The following TP53BP2 variants were observed in gnomAD, a reference collection of about 807,000 sequenced individuals.
TP53BP2 encodes tumor protein p53 binding protein 2.
A neutral mutation model predicts 126.2 loss-of-function variants in TP53BP2; 62 were observed. That is an observed-to-expected ratio of 0.49 (90% CI 0.40 to 0.61). TP53BP2 has a LOEUF of 0.61. Ranked by LOEUF, TP53BP2 falls within the 20% of genes least tolerant of loss-of-function variation. The pLI is 0.00. For synonymous variants in TP53BP2, 485 were observed against 502.9 expected (o/e 0.96, Z 0.48); for missense variants, 1,215 against 1,402.8 (o/e 0.87, Z 2.14).
chr1:223,845,798 G>GCA lies in TP53BP2; in HGVS notation c.-119_-118insTG. 9.9e-7 allele frequency: 1 copy of GCA among 1,007,364 alleles called. No homozygotes were observed. The highest frequency in any genetic ancestry group is 1.3e-6 in the Non-Finnish European group (1 of 789,044). 62.4% of individuals were successfully genotyped at this position (1,007,364 alleles called of 1,614,324 possible). ...GGACCTGTTGCGAGGCGGCGGCGGC[G>GCA]GCAGCGGCGGCGCGCGGGTCCGAAG... On this transcript the variant is annotated 5_prime_UTR_variant, in exon 1 of 18. Transcript: ENST00000343537.
At chr1:223,798,160 C>A in intron 12 of TP53BP2, 55 bp downstream of exon 12, 1 of 1,525,752 alleles carries the variant, frequency 6.6e-7, no homozygotes, top group South Asian at 1.2e-5. Context: ...TGAGGGATGG[C>A]TTAAGTTCTG....
At position 223,808,414 on chromosome 1, in the gene TP53BP2, G is replaced by A. The variant is rs1436581405; in HGVS notation, c.373-1467C>T. On this transcript the variant is annotated intron_variant, in intron 4 of 17. Coordinates refer to ENST00000343537, the MANE Select transcript of TP53BP2 (RefSeq NM_001031685.3). The stretch of plus-strand genomic sequence containing the variant: ...AAACTAGCTGGGCATGGTGGCAGGT[G>A]CCTATAATCCCAGCTACTCGGGAAG... Among the ~76,000 whole-genome samples the A allele has an allele frequency of 8.6e-5, 13 of 151,938 alleles. No individual in the cohort carries two copies. In the East Asian group the frequency reaches 1.2e-3, roughly 14 times the overall value.
At position 223,793,259 on chromosome 1, in the gene TP53BP2, G is replaced by A. The variant is rs1448200536; in HGVS notation, c.2862+44C>T. The A allele has an allele frequency of 5.7e-6, 8 of 1,412,742 alleles. 1 individual carries two copies. The highest frequency in any genetic ancestry group is 4.8e-5 in the South Asian group (3 of 62,666). The allele number at this position is 1,412,742 out of a possible 1,614,324, so 87.5% of individuals were successfully genotyped here. On this transcript the variant is annotated intron_variant, in intron 14 of 17. Coordinates refer to ENST00000343537, the MANE Select transcript of TP53BP2 (RefSeq NM_001031685.3). ...TATACTCTAGCCTGGATGACAGAGC[G>A]AGACTCTGACTCAAAAAAAAAAATT...
rs1161227177 is a variant in TP53BP2 at position 223,811,589 on chromosome 1, G to A, written c.290-1076C>T. Among the ~76,000 whole-genome samples, 4 of 152,120 alleles carry A rather than the reference G, an allele frequency of 2.6e-5. No individual in the cohort carries two copies. In the South Asian group the frequency reaches 8.3e-4, roughly 32 times the overall value. On this transcript the variant is annotated intron_variant, in intron 3 of 17. Coordinates refer to ENST00000343537, the MANE Select transcript of TP53BP2 (RefSeq NM_001031685.3). ...CTTTCTTTGCTGTCTTAAAGAGAGA[G>A]CACTTAACTAGTTTCTCCTTTGTAT...
chr1:223,803,930 C>A (rs1423221141), intron 6 of TP53BP2, among the ~76,000 whole-genome samples: 1 of 152,156 alleles, frequency 6.6e-6, no homozygotes, highest in East Asian at 1.9e-4. Context: ...GAATTCAATT[C>A]AGAGGAACCT....
chr1:223,782,196 C>T (rs1661798902), intron 17 of TP53BP2, among the ~76,000 whole-genome samples: 1 of 151,992 alleles, frequency 6.6e-6, no homozygotes. Context: ...CTCAATTTAG[C>T]CATTTTACAA....
chr1:223,832,633 T>C (rs1457064398), intron 1 of TP53BP2, among the ~76,000 whole-genome samples: 1 of 152,188 alleles, frequency 6.6e-6, no homozygotes, highest in Non-Finnish European at 1.5e-5. Flanking sequence ...TACACAGCCA[T>C]TTAGCCCAAC....
At chr1:223,811,422 C>T (rs1662903779) in intron 3 of TP53BP2, among the ~76,000 whole-genome samples, 1 of 152,134 alleles carries the variant, frequency 6.6e-6, no homozygotes, top group Non-Finnish European at 1.5e-5. Flanking sequence ...CTACTCAGAG[C>T]CAAGTATCAC....
chr1:223,839,333 A>C (rs1257246825), intron 1 of TP53BP2, among the ~76,000 whole-genome samples: 1 of 152,206 alleles, frequency 6.6e-6, no homozygotes, highest in Non-Finnish European at 1.5e-5. Context: ...CGGGATGACC[A>C]ACCTAAATCA....
chr1:223,792,343 G>A lies in TP53BP2; in HGVS notation c.2996+46C>T, dbSNP rs16842251. 1,807 of 1,560,984 alleles carry A rather than the reference G, an allele frequency of 1.2e-3. 14 individuals are homozygous for A. The African/African-American group carries it at 0.021, about 18-fold the overall frequency. ...GCACTATGACAACTGCTTATAAACCGATTCCCACAACTGAAGTTTGACTGG... is the reference window on the plus strand; with the variant it reads ...GCACTATGACAACTGCTTATAAACCAATTCCCACAACTGAAGTTTGACTGG... On this transcript the variant is annotated intron_variant, in intron 15 of 17. Transcript: ENST00000343537.
chr1:223,804,327 T>G lies in TP53BP2; in HGVS notation c.496A>C (p.Lys166Gln). 6.2e-7 allele frequency: 1 copy of G among 1,613,620 alleles called. No homozygotes were observed. The highest frequency in any genetic ancestry group is 8.5e-7 in the Non-Finnish European group (1 of 1,179,922). Residue 166 changes from lysine to glutamine, a missense_variant, in exon 6 of 18, where the codon AAA (lysine) becomes CAA (glutamine). Around this residue, in one of 4 missense-constraint regions of TP53BP2, gnomAD observed 814 missense variants for 853.0 expected, o/e 0.95. Coordinates refer to ENST00000343537, the MANE Select transcript of TP53BP2 (RefSeq NM_001031685.3). ...ATKEQRLKFL[K>Q]QQDQRQQQQV... ...TGCTGTTGTCGCTGATCTTGTTGTTTCAAAAACTTTAAGCGCTGTTCCTAA... is the reference window on the plus strand; with the variant it reads ...TGCTGTTGTCGCTGATCTTGTTGTTGCAAAAACTTTAAGCGCTGTTCCTAA...
rs1662551088 is a variant in TP53BP2 at position 223,802,254 on chromosome 1, G to A, written c.1087C>T (p.Pro363Ser). 1 of 1,614,202 alleles carries A rather than the reference G, an allele frequency of 6.2e-7. No individual in the cohort carries two copies. Among genetic ancestry groups the A allele is most frequent in the Non-Finnish European group, 8.5e-7 (1 of 1,180,030 alleles). ...VGPYIQSSTM[P>S]RMPSRPELLV... ...AATTCAGGCCTTGAGGGCATCCGAGGCATAGTAGACGACTGGATATAGGGA... is the reference window on the plus strand; with the variant it reads ...AATTCAGGCCTTGAGGGCATCCGAGACATAGTAGACGACTGGATATAGGGA... The change falls in exon 9 of 18, where the codon CCT becomes TCT. Residue 363 changes from proline to serine, a missense_variant. Physicochemically the swap from Pro to Ser is moderately conservative, Grantham distance 74 (BLOSUM62 -1). This residue lies in a region of TP53BP2 where 814 missense variants were observed against 853.0 expected (regional missense o/e 0.95). Coordinates refer to ENST00000343537, the MANE Select transcript of TP53BP2 (RefSeq NM_001031685.3).
chr1:223,783,985 T>C, intron 17 of TP53BP2, 130 bp downstream of exon 17: 1 of 807,158 alleles, frequency 1.2e-6, no homozygotes, highest in Non-Finnish European at 2.1e-6. Flanking sequence ...TCTAAGACTA[T>C]CAAAATGTTT....
At chr1:223,831,498 T>A (rs1339318936) in intron 1 of TP53BP2, among the ~76,000 whole-genome samples, 1,287 of 128,000 alleles carry the variant, frequency 0.01, 80 homozygotes, top group African/African-American at 0.039. Context: ...TATATATATA[T>A]ATATATATAT....
intron 1 of TP53BP2, among the ~76,000 whole-genome samples, chr1:223,826,712 T>A (rs1663508451): frequency 6.6e-6 from 1 of 152,042 alleles, no homozygotes; most frequent in Non-Finnish European, 1.5e-5. Flanking sequence ...TTTTCAAAAG[T>A]AAGAGGTTAC....
chr1:223,785,944 C>G (rs1035486792), intron 16 of TP53BP2, among the ~76,000 whole-genome samples: 2 of 151,302 alleles, frequency 1.3e-5, no homozygotes, highest in African/African-American at 4.9e-5. Flanking sequence ...TAGATAAACA[C>G]CAGAAGACAA....
At chr1:223,806,791 T>C in intron 5 of TP53BP2, 55 bp downstream of exon 5, 1 of 1,459,376 alleles carries the variant, frequency 6.9e-7, no homozygotes, top group Non-Finnish European at 9.6e-7. Flanking sequence ...GCCACTGCAC[T>C]CCAGCCTAGG....
At chr1:223,788,688 C>T (rs991809952) in intron 16 of TP53BP2, among the ~76,000 whole-genome samples, 1 of 152,134 alleles carries the variant, frequency 6.6e-6, no homozygotes, top group Non-Finnish European at 1.5e-5. Flanking sequence ...GGTCTGTTTA[C>T]TTATTTGCAA....
rs1452913515 is a variant in TP53BP2, at chr1:223,810,518, G to A, written c.290-5C>T. Reference sequence around the variant, plus strand: ...CCTGAGATCTTGGTCCACTCACTAAGGACAAAATTCAAAAACTATGCATTA... The same window carrying A: ...CCTGAGATCTTGGTCCACTCACTAAAGACAAAATTCAAAAACTATGCATTA... On this transcript the variant is annotated splice_region_variant and splice_polypyrimidine_tract_variant and intron_variant, in intron 3 of 17. Transcript: ENST00000343537. 1.9e-6 allele frequency: 3 copies of A among 1,591,898 alleles called. No homozygotes were observed. Among genetic ancestry groups the A allele is most frequent in the Non-Finnish European group, 2.6e-6 (3 of 1,168,822 alleles).
Sources: allele counts gnomAD v4.1 joint callset (sites outside exome capture counted in the v4.1 genomes callset), GRCh38; gene constraint gnomAD v4.1.1; regional missense constraint gnomAD v4.1.1; transcripts MANE v1.5; gene names NCBI Gene and HGNC (gene_info 2026-07-23, HGNC 2026-07-21).